The following MACROH2A1 variants were observed in gnomAD, a reference collection of about 807,000 sequenced individuals.
MACROH2A1 encodes core histone macro-H2A.1.
Under a neutral mutation model 31.6 loss-of-function variants are expected in MACROH2A1, and 2 were observed. The observed-to-expected ratio is 0.06, with a 90% CI of 0.03 to 0.20. The LOEUF is 0.20. MACROH2A1 is among the 10% of genes least tolerant of loss of function. MACROH2A1 has a pLI of 1.00. For synonymous variants in MACROH2A1, 169 were observed against 189.6 expected (o/e 0.89, Z 0.89); for missense variants, 230 against 474.0 (o/e 0.49, Z 4.78).
chr5:135,342,324 A>G (rs1260670877), intron 8 of MACROH2A1, among the ~76,000 whole-genome samples: 1 of 152,202 alleles, frequency 6.6e-6, no homozygotes, highest in Non-Finnish European at 1.5e-5. Flanking sequence ...TTATTATGCC[A>G]ACTTCTCAGA....
At chr5:135,394,380 G>T (rs1767673310) in intron 1 of MACROH2A1, among the ~76,000 whole-genome samples, 1 of 152,110 alleles carries the variant, frequency 6.6e-6, no homozygotes, top group African/African-American at 2.4e-5. Context: ...TCACAGTCTA[G>T]TTTGGGGCAG....
intron 5 of MACROH2A1, chr5:135,359,621 C>G: frequency 1.0e-6 from 1 of 984,934 alleles, no homozygotes; most frequent in Non-Finnish European, 1.2e-6. Flanking sequence ...AGCGAGGGAA[C>G]CGTGTCACTG....
chr5:135,375,623 T>G (rs1432755952), intron 2 of MACROH2A1, among the ~76,000 whole-genome samples: 1 of 152,156 alleles, frequency 6.6e-6, no homozygotes, highest in African/African-American at 2.4e-5. Flanking sequence ...AACACAACCC[T>G]TGCAATAGGA....
chr5:135,392,143 C>T (rs974680263), intron 1 of MACROH2A1, among the ~76,000 whole-genome samples: 3 of 152,196 alleles, frequency 2.0e-5, no homozygotes, highest in African/African-American at 7.2e-5. Flanking sequence ...CACTCACAGC[C>T]TCCCTCTGCC....
intron 2 of MACROH2A1, among the ~76,000 whole-genome samples, chr5:135,385,156 T>C (rs1766219222): frequency 6.6e-6 from 1 of 152,210 alleles, no homozygotes. Context: ...ATGCCTGCAA[T>C]TGTCATGCCA....
At chr5:135,351,182 TAAAAGA>T in intron 6 of MACROH2A1, 1 of 290,740 alleles carries the variant, frequency 3.4e-6, no homozygotes, top group Non-Finnish European at 6.4e-6. Flanking sequence ...TTCCAAAGGT[TAAAAGA>T]AATAAAATGA....
chr5:135,389,160 C>CTGGGGACAG, intron 1 of MACROH2A1, 34 bp from the exon 2 acceptor site: 1 of 1,515,456 alleles, frequency 6.6e-7, no homozygotes, highest in Non-Finnish European at 9.0e-7. Context: ...GTCAGGGTGG[C>CTGGGGACAG]TGGGGACAGC....
chr5:135,368,087 G>A (rs1371472797), intron 4 of MACROH2A1, among the ~76,000 whole-genome samples: 1 of 152,226 alleles, frequency 6.6e-6, no homozygotes, highest in African/African-American at 2.4e-5. Context: ...CAAAGAGCTG[G>A]GAGTGATTCT....
rs1469016861 is a variant in MACROH2A1, at chr5:135,398,104, T to C, written c.-34+958A>G. Among the ~76,000 whole-genome samples, 3 of 152,210 alleles carry C rather than the reference T, an allele frequency of 2.0e-5. No individual in the cohort carries two copies. Among genetic ancestry groups the C allele is most frequent in the African/African-American group, 7.2e-5 (3 of 41,428 alleles). ...GTTGTTTGTACAGAAGTCTCTCACT[T>C]TGAAACTCAGAAACATTTCCCCTAA... On this transcript the variant is annotated intron_variant, in intron 1 of 8. Coordinates refer to ENST00000511689, the MANE Select transcript of MACROH2A1 (RefSeq NM_138610.3). The surrounding 1 kb of genome is among the most constrained non-coding windows in gnomAD (Gnocchi z 4.6).
chr5:135,370,361 G>A (rs1764025828), intron 2 of MACROH2A1, among the ~76,000 whole-genome samples: 1 of 152,182 alleles, frequency 6.6e-6, no homozygotes, highest in African/African-American at 2.4e-5. Context: ...GGGAGATGAA[G>A]GAACTGAAGC....
At chr5:135,341,300 C>A (rs1759813510) in intron 8 of MACROH2A1, among the ~76,000 whole-genome samples, 1 of 152,200 alleles carries the variant, frequency 6.6e-6, no homozygotes, top group Admixed American at 6.5e-5. Flanking sequence ...GGGCCTCACT[C>A]ACAGAACCCC....
intron 5 of MACROH2A1, chr5:135,356,139 T>C (rs1167842888): frequency 1.3e-5 from 2 of 152,224 alleles, no homozygotes; most frequent in African/African-American, 2.4e-5. Context: ...AAAGCAGCTA[T>C]GAAGACTGTT....
At chr5:135,360,283 T>C (rs1050927673) in intron 5 of MACROH2A1, 6 of 581,392 alleles carry the variant, frequency 1.0e-5, no homozygotes, top group Non-Finnish European at 1.8e-5. Flanking sequence ...TTTACCACTG[T>C]CTCCCTTCCC....
At position 135,359,609 on chromosome 5, in the gene MACROH2A1, T is replaced by A. The variant is rs930199074; in HGVS notation, c.588+888A>T. ...GGTAGGAGGAGAACTTGCAATGACG[T>A]GAGCGAGGGAACCGTGTCACTGTGA... On this transcript the variant is annotated intron_variant, in intron 5 of 8. Coordinates refer to ENST00000511689, the MANE Select transcript of MACROH2A1 (RefSeq NM_138610.3). The A allele has an allele frequency of 1.5e-4, 146 of 984,780 alleles. 1 individual carries two copies. The highest frequency in any genetic ancestry group is 5.2e-4 in the Middle Eastern group (1 of 1,916). The allele number at this position is 984,780 out of a possible 1,614,324, so 61.0% of individuals were successfully genotyped here.
chr5:135,340,608 C>T (rs1759666895), intron 8 of MACROH2A1, among the ~76,000 whole-genome samples: 1 of 152,244 alleles, frequency 6.6e-6, no homozygotes, highest in African/African-American at 2.4e-5. Context: ...TGGTTATGGT[C>T]ATCTTCCATC....
intron 8 of MACROH2A1, among the ~76,000 whole-genome samples, chr5:135,337,382 G>T (rs1250329708): frequency 6.6e-6 from 1 of 152,196 alleles, no homozygotes; most frequent in Non-Finnish European, 1.5e-5. Flanking sequence ...GCCATGCCAT[G>T]CTGACTGGGA....
At position 135,343,249 on chromosome 5, in the gene MACROH2A1, T is replaced by G. The variant is rs746307038; in HGVS notation, c.953+11A>C. On this transcript the variant is annotated intron_variant, in intron 8 of 8. Transcript: ENST00000511689. Reference sequence around the variant, plus strand: ...ACCCATGACCGATACGTAACAAGCATGTGCCCCTACCTGCCGCTGCCGATG... The same window carrying G: ...ACCCATGACCGATACGTAACAAGCAGGTGCCCCTACCTGCCGCTGCCGATG... 1 of 1,613,856 alleles carries G rather than the reference T, an allele frequency of 6.2e-7. No homozygotes were observed. The highest frequency in any genetic ancestry group is 8.5e-7 in the Non-Finnish European group (1 of 1,180,030).
intron 1 of MACROH2A1, chr5:135,389,362 C>CA (rs1343083042): frequency 2.5e-5 from 8 of 317,676 alleles, no homozygotes; most frequent in African/African-American, 1.7e-4. Flanking sequence ...AGTGCCTTGC[C>CA]ATTATGCCAC....
intron 4 of MACROH2A1, among the ~76,000 whole-genome samples, chr5:135,367,414 T>C (rs1379839590): frequency 6.6e-6 from 1 of 152,210 alleles, no homozygotes; most frequent in East Asian, 1.9e-4. Context: ...CGAGTGATTA[T>C]TGGCATATGG....
Sources: allele counts gnomAD v4.1 joint callset (sites outside exome capture counted in the v4.1 genomes callset), GRCh38; gene constraint gnomAD v4.1.1; non-coding constraint Gnocchi (gnomAD v3.1); transcripts MANE v1.5; gene names NCBI Gene and HGNC (gene_info 2026-07-23, HGNC 2026-07-21).